Variants in PTGFRN observed in about 807,000 individuals in gnomAD.
PTGFRN encodes the protein prostaglandin F2 receptor inhibitor, also known as prostaglandin F2 receptor negative regulator.
PTGFRN carries 35 observed loss-of-function variants against 83.2 expected under a neutral mutation model. The ratio of observed to expected loss-of-function variants is 0.42; its 90% CI spans 0.32 to 0.56. The LOEUF (loss-of-function observed/expected upper bound fraction) is 0.56, where lower values mean the gene tolerates loss of function less well. Among genes scored for constraint, PTGFRN ranks in the 20% least tolerant of loss-of-function variants. The pLI is 0.11. For synonymous variants in PTGFRN, 519 were observed against 498.6 expected (o/e 1.04, Z -0.55); for missense variants, 1,051 against 1,179.5 (o/e 0.89, Z 1.60).
rs114969961 is a variant in PTGFRN, at chr1:116,914,822, T to A, written c.49+4570T>A. Reference sequence around the variant, plus strand: ...CACAGCCACTCCTGCCTAACGTGTGTGTGTCTCTGCATACTGAGTATTTTG... The same window carrying A: ...CACAGCCACTCCTGCCTAACGTGTGAGTGTCTCTGCATACTGAGTATTTTG... On this transcript the variant is annotated intron_variant, in intron 1 of 8. Transcript: ENST00000393203. Among the ~76,000 whole-genome samples, 918 of 151,580 alleles carry A rather than the reference T, an allele frequency of 6.1e-3. 10 individuals carry two copies. The highest frequency in any genetic ancestry group is 0.02 in the African/African-American group (841 of 41,432).
In PTGFRN at chr1:116,987,651, A is replaced by G. The variant is rs3885; in HGVS notation, c.*684A>G. The G allele has an allele frequency of 0.55, 82,473 of 149,896 alleles. 22,806 individuals are homozygous for G. Among genetic ancestry groups the G allele is most frequent in the East Asian group, 0.67 (3,389 of 5,070 alleles). 9.3% of individuals were successfully genotyped at this position (149,896 alleles called of 1,614,324 possible). On this transcript the variant is annotated 3_prime_UTR_variant, in exon 9 of 9. Coordinates refer to ENST00000393203, the MANE Select transcript of PTGFRN (RefSeq NM_020440.4). ...TTTTCTGTGAGAGCACTGAAATGGC[A>G]GCCCTGGAATCTACAATTTGGCTCT...
chr1:116,959,654 A>C (rs1161466194), intron 4 of PTGFRN, among the ~76,000 whole-genome samples: 1 of 152,148 alleles, frequency 6.6e-6, no homozygotes, highest in African/African-American at 2.4e-5. Flanking sequence ...TTCTCCCAGA[A>C]GGCAAAGTGC....
Position 116,942,005 on chromosome 1 carries a change from C to G in PTGFRN, c.340C>G (p.Gln114Glu), listed in dbSNP as rs745989853. ...CATAAAGAACGTCCAGCCTTCAGACCAAGGCCACTACAAATGTTCAACCCC... is the reference window on the plus strand; with the variant it reads ...CATAAAGAACGTCCAGCCTTCAGACGAAGGCCACTACAAATGTTCAACCCC... ...LHIKNVQPSD[Q>E]GHYKCSTPST... The change falls in exon 2 of 9, where the codon CAA (glutamine) becomes GAA (glutamate). Residue 114 changes from glutamine (Q) to glutamate (E), a missense_variant. By Grantham distance (29) the Gln-to-Glu change is conservative. This residue lies in a region of PTGFRN where 127 missense variants were observed against 168.4 expected (regional missense o/e 0.75). Transcript: ENST00000393203. The G allele has an allele frequency of 1.9e-5, 30 of 1,614,070 alleles. No individual in the cohort carries two copies. Among genetic ancestry groups the G allele is most frequent in the Non-Finnish European group, 2.3e-5 (27 of 1,180,052 alleles).
chr1:116,974,521 G>A (rs548387949), intron 7 of PTGFRN, 198 bp downstream of exon 7: 7 of 455,990 alleles, frequency 1.5e-5, no homozygotes, highest in African/African-American at 1.4e-4. Flanking sequence ...TAGATGGTTT[G>A]GAAATACATC....
At chr1:116,933,890 T>C (rs1649858003) in intron 1 of PTGFRN, among the ~76,000 whole-genome samples, 1 of 152,212 alleles carries the variant, frequency 6.6e-6, no homozygotes, top group East Asian at 1.9e-4. Flanking sequence ...CTGTTTATGA[T>C]ACATATCTTA....
rs575846862 is a variant in PTGFRN at position 116,923,938 on chromosome 1, G to A, written c.49+13686G>A. ...TCCAGCAACCAGTCTAAATGTGGAG[G>A]ATGACACACACACAGGAAGAGAGGT... is the stretch of plus-strand genomic sequence containing the variant. On this transcript the variant is annotated intron_variant, in intron 1 of 8. Coordinates refer to ENST00000393203, the MANE Select transcript of PTGFRN (RefSeq NM_020440.4). The surrounding 1 kb of genome is among the most constrained non-coding windows in gnomAD (Gnocchi z 4.0). Among the ~76,000 whole-genome samples the A allele has an allele frequency of 5.9e-5, 9 of 152,212 alleles. No individual in the cohort carries two copies. The South Asian group carries it at 1.7e-3, about 28-fold the overall frequency.
intron 1 of PTGFRN, among the ~76,000 whole-genome samples, chr1:116,937,274 G>A (rs1023139175): frequency 6.6e-6 from 1 of 152,244 alleles, no homozygotes; most frequent in Non-Finnish European, 1.5e-5. Context: ...CCTCTATAAG[G>A]ATTTCAGCTT....
intron 7 of PTGFRN, among the ~76,000 whole-genome samples, chr1:116,976,614 A>G (rs1410807749): frequency 6.6e-6 from 1 of 152,230 alleles, no homozygotes; most frequent in African/African-American, 2.4e-5. Context: ...TTTCATATCC[A>G]GCCAAACTAA....
intron 1 of PTGFRN, among the ~76,000 whole-genome samples, chr1:116,914,570 G>T (rs1377839505): frequency 6.6e-6 from 1 of 152,140 alleles, no homozygotes; most frequent in Non-Finnish European, 1.5e-5. Context: ...GTGCAACATA[G>T]TGAGACCCCC....
chr1:116,972,678 C>T lies in PTGFRN; in HGVS notation c.2060-1538C>T, dbSNP rs200550958. 1.5e-3 allele frequency among the ~76,000 whole-genome samples: 227 copies of T among 152,302 alleles called. 2 individuals carry two copies. Among genetic ancestry groups the T allele is most frequent in the African/African-American group, 5.0e-3 (208 of 41,576 alleles). On this transcript the variant is annotated intron_variant, in intron 6 of 8. Transcript: ENST00000393203. ...CACCTAGGGCCTTCAATCGTTGCTT[C>T]CCAGGAAACCCAAGGGGAGTCCCAT...
intron 7 of PTGFRN, among the ~76,000 whole-genome samples, chr1:116,978,210 C>T (rs1651212395): frequency 6.6e-6 from 1 of 152,308 alleles, no homozygotes; most frequent in South Asian, 2.1e-4. Context: ...ATAACAGGCT[C>T]TGAAGTTGAG....
chr1:116,919,936 TA>T (rs1263706186), intron 1 of PTGFRN, among the ~76,000 whole-genome samples: 1 of 152,222 alleles, frequency 6.6e-6, no homozygotes, highest in African/African-American at 2.4e-5. Flanking sequence ...CCCTGTAAAA[TA>T]AGGGTTGGGC....
At chr1:116,935,628 A>G (rs920829442) in intron 1 of PTGFRN, among the ~76,000 whole-genome samples, 6 of 152,200 alleles carry the variant, frequency 3.9e-5, no homozygotes, top group African/African-American at 1.4e-4. Flanking sequence ...GTCAACTTCC[A>G]ATGAAATACA....
At position 116,949,672 on chromosome 1, in the gene PTGFRN, T is replaced by C. The variant is rs1465800919; in HGVS notation, c.1213+100T>C. 4.8e-6 allele frequency: 7 copies of C among 1,457,436 alleles called. No homozygotes were observed. The East Asian group carries it at 1.6e-4, about 34-fold the overall frequency. The allele number at this position is 1,457,436 out of a possible 1,614,324, so 90.3% of individuals were successfully genotyped here. A position where few individuals can be genotyped will look rare whatever the true frequency, so the allele number is the denominator to read the frequency against. ...AGGAGGCTCTGCGCTTTGCATGACTTCGACATTATTTCTATTGGTTCATGC... is the reference window on the plus strand; with the variant it reads ...AGGAGGCTCTGCGCTTTGCATGACTCCGACATTATTTCTATTGGTTCATGC... On this transcript the variant is annotated intron_variant, in intron 4 of 8. Transcript: ENST00000393203.
At chr1:116,919,297 G>A (rs965144963) in intron 1 of PTGFRN, among the ~76,000 whole-genome samples, 2 of 152,168 alleles carry the variant, frequency 1.3e-5, no homozygotes, top group African/African-American at 4.8e-5. Flanking sequence ...TTGGGGACCA[G>A]GTGCGATGCA....
At chr1:116,916,335 C>G (rs1385899566) in intron 1 of PTGFRN, among the ~76,000 whole-genome samples, 1 of 152,134 alleles carries the variant, frequency 6.6e-6, no homozygotes. Context: ...GGAATTGTGC[C>G]TAAGGGTTCC....
chr1:116,952,909 G>A lies in PTGFRN; in HGVS notation c.1213+3337G>A, dbSNP rs1305332714. On this transcript the variant is annotated intron_variant, in intron 4 of 8. Coordinates refer to ENST00000393203, the MANE Select transcript of PTGFRN (RefSeq NM_020440.4). This position sits in a 1 kb window ranked among gnomAD's most constrained non-coding sequence, Gnocchi z 4.0. ...TCTGTAAGAAGCTCAATTACTATGG[G>A]GGACAAATGATGCTTTGTGTTGATC... 6.6e-6 allele frequency among the ~76,000 whole-genome samples: 1 copy of A among 152,156 alleles called. No individual in the cohort carries two copies. Among genetic ancestry groups the A allele is most frequent in the Non-Finnish European group, 1.5e-5 (1 of 68,036 alleles).
At chr1:116,948,908 G>C (rs539378674) in intron 3 of PTGFRN, among the ~76,000 whole-genome samples, 309 of 152,302 alleles carry the variant, frequency 2.0e-3, no homozygotes, top group Non-Finnish European at 3.6e-3. Context: ...TCTTAGGGTT[G>C]TTTTGAGGAT....
chr1:116,967,252 T>G lies in PTGFRN; in HGVS notation c.1981T>G (p.Ser661Ala). 6.2e-7 allele frequency: 1 copy of G among 1,614,158 alleles called. No individual in the cohort carries two copies. Among genetic ancestry groups the G allele is most frequent in the Non-Finnish European group, 8.5e-7 (1 of 1,180,040 alleles). Residue 661 changes from serine to alanine, a missense_variant, in exon 6 of 9, where the codon TCT becomes GCT. Ser to Ala is a moderately conservative substitution (Grantham distance 99, BLOSUM62 1). This residue lies in a region of PTGFRN where 719 missense variants were observed against 836.6 expected (regional missense o/e 0.86). Coordinates refer to ENST00000393203, the MANE Select transcript of PTGFRN (RefSeq NM_020440.4). Reference sequence around the variant, plus strand: ...GTACCGCTGCATGGTGACAGCCTGGTCTCCTGTCAGGGGCAGCCTTTGGCG... The same window carrying G: ...GTACCGCTGCATGGTGACAGCCTGGGCTCCTGTCAGGGGCAGCCTTTGGCG... ...GLYRCMVTAW[S>A]PVRGSLWREA...
Sources: gnomAD v4.1 joint callset for allele counts (sites outside exome capture counted in the v4.1 genomes callset) on GRCh38, gnomAD v4.1.1 for gene constraint, gnomAD v4.1.1 regional missense constraint, Gnocchi (gnomAD v3.1) non-coding constraint, MANE v1.5 for transcripts, NCBI Gene and HGNC (gene_info 2026-07-23, HGNC 2026-07-21) for gene names.